Variants in SNX27 observed in about 807,000 individuals in gnomAD.
The protein encoded by SNX27 is sorting nexin 27, also known as sorting nexin-27.
SNX27 carries 22 observed loss-of-function variants against 71.6 expected under a neutral mutation model. That is an observed-to-expected ratio of 0.31 (90% confidence interval 0.22 to 0.44). The LOEUF (loss-of-function observed/expected upper bound fraction) is 0.44. SNX27 is among the 20% of genes least tolerant of loss of function. SNX27 has a pLI of 1.00. For synonymous variants in SNX27, 269 were observed against 277.2 expected (o/e 0.97, Z 0.29); for missense variants, 531 against 698.6 (o/e 0.76, Z 2.70).
chr1:151,641,044 T>G (rs1311755265), intron 2 of SNX27, among the ~76,000 whole-genome samples: 1 of 152,228 alleles, frequency 6.6e-6, no homozygotes, highest in Admixed American at 6.5e-5. Flanking sequence ...TTTGTCCCTT[T>G]TTAATTGCTG....
chr1:151,652,691 G>A (rs976116794), intron 2 of SNX27, among the ~76,000 whole-genome samples: 7 of 152,022 alleles, frequency 4.6e-5, no homozygotes, highest in African/African-American at 1.4e-4. Flanking sequence ...AATTACAGGC[G>A]TGAGCCACTG....
chr1:151,673,187 A>C (rs1336680485), intron 7 of SNX27, among the ~76,000 whole-genome samples: 4 of 151,978 alleles, frequency 2.6e-5, no homozygotes, highest in Admixed American at 6.6e-5. Flanking sequence ...TATTTCAATA[A>C]ATTTTTAAAT....
intron 1 of SNX27, 44 bp from the exon 2 acceptor site, chr1:151,638,844 C>T (rs1668589562): frequency 2.5e-6 from 4 of 1,585,050 alleles, no homozygotes; most frequent in Non-Finnish European, 2.6e-6. Context: ...GGTGTTTGGA[C>T]CCTTCTGGTT....
intron 7 of SNX27, among the ~76,000 whole-genome samples, chr1:151,673,027 T>A (rs1670511711): frequency 6.6e-6 from 1 of 152,030 alleles, no homozygotes; most frequent in Admixed American, 6.5e-5. Flanking sequence ...GGGTTTGGTT[T>A]GCTCTTGCTT....
intron 1 of SNX27, among the ~76,000 whole-genome samples, chr1:151,634,448 T>A (rs923556241): frequency 1.4e-4 from 22 of 152,206 alleles, no homozygotes; most frequent in African/African-American, 5.3e-4. Flanking sequence ...ATACAAATCC[T>A]GACTAGAGCT....
chr1:151,627,209 C>A (rs1171376339), intron 1 of SNX27, among the ~76,000 whole-genome samples: 1 of 152,202 alleles, frequency 6.6e-6, no homozygotes, highest in East Asian at 1.9e-4. Flanking sequence ...CTAGCCTCCT[C>A]CCCTTGCTGA....
In SNX27 at chr1:151,634,610, A is replaced by G. The variant is rs139981765; in HGVS notation, c.312-4278A>G. Reference sequence around the variant, plus strand: ...CCAAATGTTGGTCTTATGTAAAAGTAAGTATTTTATTAAAATTATCGCGTG... The same window carrying G: ...CCAAATGTTGGTCTTATGTAAAAGTGAGTATTTTATTAAAATTATCGCGTG... On this transcript the variant is annotated intron_variant, in intron 1 of 11. Transcript: ENST00000458013. Among the ~76,000 whole-genome samples, 418 of 152,304 alleles carry G rather than the reference A, an allele frequency of 2.7e-3. 2 individuals are homozygous for G. The highest frequency in any genetic ancestry group is 4.9e-3 in the Non-Finnish European group (336 of 68,022).
chr1:151,613,410 C>A, intron 1 of SNX27: 1 of 152,520 alleles, frequency 6.6e-6, no homozygotes. Context: ...CTTGTAACTC[C>A]TCCTCCTTCA....
intron 1 of SNX27, among the ~76,000 whole-genome samples, chr1:151,617,424 A>G (rs1301717531): frequency 6.6e-6 from 1 of 152,168 alleles, no homozygotes; most frequent in Non-Finnish European, 1.5e-5. Context: ...GATTACAGGC[A>G]TGTGCCACCA....
rs761704123 is a variant in SNX27 at position 151,629,927 on chromosome 1, G to A, written c.312-8961G>A. 8.9e-4 allele frequency among the ~76,000 whole-genome samples: 135 copies of A among 151,306 alleles called. 3 individuals are homozygous for A. The highest frequency in any genetic ancestry group is 3.4e-3 in the Middle Eastern group (1 of 294). On this transcript the variant is annotated intron_variant, in intron 1 of 11. Coordinates refer to ENST00000458013, the MANE Select transcript of SNX27 (RefSeq NM_001330723.2). ...TTTTTGTGAGGCCAGCCTGATCAAC[G>A]TGGTGAAGCCCTGTCTCTACTGAAA...
chr1:151,637,331 A>T (rs1668512006), intron 1 of SNX27, among the ~76,000 whole-genome samples: 1 of 151,580 alleles, frequency 6.6e-6, no homozygotes, highest in African/African-American at 2.4e-5. Flanking sequence ...GGCGCCCACC[A>T]CCATGCCCGG....
intron 2 of SNX27, among the ~76,000 whole-genome samples, chr1:151,656,623 G>A (rs1049742564): frequency 2.0e-5 from 3 of 152,200 alleles, no homozygotes; most frequent in African/African-American, 7.2e-5. Context: ...GTTGTACTCA[G>A]AAGAATATCT....
chr1:151,612,274 G>A lies in SNX27; in HGVS notation c.73G>A (p.Gly25Arg). The change falls in exon 1 of 12, where the codon GGG becomes AGG. Residue 25 changes from glycine (G) to arginine (R), a missense_variant. Coordinates refer to ENST00000458013, the MANE Select transcript of SNX27 (RefSeq NM_001330723.2). This position sits in a 1 kb window ranked among gnomAD's most constrained non-coding sequence, Gnocchi z 5.2. ...GAACGGAGGTGGCGGCGGCGGCGGG[G>A]GGTCTGGGCTCCACTGCGCCGGGAA... ...HRNGGGGGGG[G>R]SGLHCAGNGG... The A allele has an allele frequency of 4.1e-6, 6 of 1,465,262 alleles. No homozygotes were observed. Among genetic ancestry groups the A allele is most frequent in the Non-Finnish European group, 5.4e-6 (6 of 1,111,788 alleles). The allele number at this position is 1,465,262 out of a possible 1,614,324, so 90.8% of individuals were successfully genotyped here.
chr1:151,694,304 T>C, intron 11 of SNX27, 66 bp from the exon 12 acceptor site: 1 of 1,543,826 alleles, frequency 6.5e-7, no homozygotes, highest in Non-Finnish European at 8.7e-7. Context: ...AGCTTCTGTT[T>C]GTGGAGTTGT....
intron 1 of SNX27, among the ~76,000 whole-genome samples, chr1:151,621,469 G>T (rs1329827788): frequency 6.6e-6 from 1 of 152,162 alleles, no homozygotes; most frequent in African/African-American, 2.4e-5. Context: ...AAACTTTTTA[G>T]ATTCTTGTGT....
chr1:151,647,992 TAAAAA>T (rs923467531), intron 2 of SNX27, among the ~76,000 whole-genome samples: 1 of 146,712 alleles, frequency 6.8e-6, no homozygotes, highest in Non-Finnish European at 1.5e-5. Context: ...TTTAAGAAGT[TAAAAA>T]AAAAAACAAC....
At chr1:151,653,666 C>T (rs1341072584) in intron 2 of SNX27, among the ~76,000 whole-genome samples, 6 of 152,058 alleles carry the variant, frequency 3.9e-5, no homozygotes, top group Admixed American at 3.3e-4. Flanking sequence ...CACAAGCACA[C>T]GTCATCACAT....
At chr1:151,629,986 C>G (rs547785108) in intron 1 of SNX27, among the ~76,000 whole-genome samples, 35 of 151,698 alleles carry the variant, frequency 2.3e-4, no homozygotes, top group Middle Eastern at 3.4e-3. Flanking sequence ...TGGCCTGCAC[C>G]TGTAATCCCA....
At chr1:151,641,970 T>C (rs1668792143) in intron 2 of SNX27, among the ~76,000 whole-genome samples, 1 of 131,522 alleles carries the variant, frequency 7.6e-6, no homozygotes, top group Admixed American at 7.9e-5. Flanking sequence ...ATGAGATATA[T>C]ATATATCAGA....
Sources: allele counts gnomAD v4.1 joint callset (sites outside exome capture counted in the v4.1 genomes callset), GRCh38; gene constraint gnomAD v4.1.1; non-coding constraint Gnocchi (gnomAD v3.1); transcripts MANE v1.5; gene names NCBI Gene and HGNC (gene_info 2026-07-23, HGNC 2026-07-21).